Variants in REDIC1 observed in about 807,000 individuals in gnomAD.
The protein encoded by REDIC1 is regulator of DNA class I crossover intermediates 1.
the REDIC1 span, among the ~76,000 whole-genome samples, chr12:39,628,965 T>A: frequency 1.3e-5 from 2 of 152,170 alleles, no homozygotes; most frequent in Admixed American, 1.3e-4. Context: ...TTGAGTTGAG[T>A]GTGCTTGCCC....
At chr12:39,681,673 A>G in the REDIC1 span, among the ~76,000 whole-genome samples, 1 of 152,178 alleles carries the variant, frequency 6.6e-6, no homozygotes, top group Non-Finnish European at 1.5e-5. Flanking sequence ...ACAACGTAGG[A>G]TCATGAGCTG....
At chr12:39,749,212 A>G in the REDIC1 span, among the ~76,000 whole-genome samples, 4 of 152,170 alleles carry the variant, frequency 2.6e-5, no homozygotes, top group Non-Finnish European at 5.9e-5. Flanking sequence ...AATCAAATAG[A>G]CACAACAAAA....
chr12:39,775,197 A>T, the REDIC1 span, among the ~76,000 whole-genome samples: 1 of 152,362 alleles, frequency 6.6e-6, no homozygotes, highest in Non-Finnish European at 1.5e-5. Flanking sequence ...TAATGCAATT[A>T]AGGTACAACT....
chr12:39,680,741 C>A, the REDIC1 span, among the ~76,000 whole-genome samples: 1 of 149,630 alleles, frequency 6.7e-6, no homozygotes, highest in Non-Finnish European at 1.5e-5. Flanking sequence ...GCCTATCAAC[C>A]AATGAGTGGG....
At chr12:39,883,106 G>C in the REDIC1 span, among the ~76,000 whole-genome samples, 1 of 151,804 alleles carries the variant, frequency 6.6e-6, no homozygotes, top group African/African-American at 2.4e-5. Context: ...CACTTTTAAA[G>C]TATATAATTC....
chr12:39,670,722 C>T, the REDIC1 span, among the ~76,000 whole-genome samples: 1 of 148,368 alleles, frequency 6.7e-6, no homozygotes, highest in African/African-American at 2.5e-5. Flanking sequence ...TCATATGTCA[C>T]GTCTTTCTAC....
At chr12:39,713,253 C>CGTGTATAGATGTGTATACACAT in the REDIC1 span, among the ~76,000 whole-genome samples, 1 of 131,364 alleles carries the variant, frequency 7.6e-6, no homozygotes, top group Non-Finnish European at 1.6e-5. Context: ...TGTACACACA[C>CGTGTATAGATGTGTATACACAT]ATACGTGTAT....
chr12:39,882,625 T>G, the REDIC1 span, among the ~76,000 whole-genome samples: 1 of 152,196 alleles, frequency 6.6e-6, no homozygotes, highest in African/African-American at 2.4e-5. Flanking sequence ...AGGTGAAGTC[T>G]TGCCTATAAT....
chr12:39,852,338 T>C, the REDIC1 span, among the ~76,000 whole-genome samples: 2 of 152,354 alleles, frequency 1.3e-5, no homozygotes, highest in East Asian at 3.9e-4. Flanking sequence ...ATTATGACTG[T>C]AATCAGTTGT....
At chr12:39,763,167 A>G in the REDIC1 span, among the ~76,000 whole-genome samples, 1 of 152,060 alleles carries the variant, frequency 6.6e-6, no homozygotes, top group African/African-American at 2.4e-5. Context: ...GAAAAATTTT[A>G]ATTGCCAAAT....
At chr12:39,773,575 C>T in the REDIC1 span, among the ~76,000 whole-genome samples, 2 of 152,116 alleles carry the variant, frequency 1.3e-5, no homozygotes, top group Admixed American at 6.6e-5. Context: ...AAGAAATAAC[C>T]AAAGGAACTT....
chr12:39,683,395 G>T, the REDIC1 span: 102 of 1,522,100 alleles, frequency 6.7e-5, no homozygotes, highest in Non-Finnish European at 9.1e-5. Context: ...TTAACTCGGT[G>T]CATACTTTTA....
At chr12:39,749,135 G>GT in the REDIC1 span, among the ~76,000 whole-genome samples, 1 of 152,088 alleles carries the variant, frequency 6.6e-6, no homozygotes, top group Non-Finnish European at 1.5e-5. Flanking sequence ...CCAGGAACTG[G>GT]TTTTTTGAAA....
the REDIC1 span, among the ~76,000 whole-genome samples, chr12:39,859,914 T>C: frequency 1.3e-5 from 2 of 152,176 alleles, no homozygotes; most frequent in African/African-American, 4.8e-5. Flanking sequence ...GTCTAAAATA[T>C]AGCAAGATCT....
chr12:39,842,103 A>C, the REDIC1 span, among the ~76,000 whole-genome samples: 1 of 152,094 alleles, frequency 6.6e-6, no homozygotes, highest in African/African-American at 2.4e-5. Context: ...AATGTGGCAG[A>C]GCTGGGGTTC....
At chr12:39,800,407 C>A in the REDIC1 span, among the ~76,000 whole-genome samples, 3 of 150,242 alleles carry the variant, frequency 2.0e-5, no homozygotes, top group Middle Eastern at 3.4e-3. Context: ...AAGAAAAAAA[C>A]AAACAACCCC....
the REDIC1 span, among the ~76,000 whole-genome samples, chr12:39,895,394 G>A: frequency 2.7e-5 from 4 of 150,018 alleles, no homozygotes; most frequent in African/African-American, 9.8e-5. Context: ...GCAGGCTGAG[G>A]CAGGAGAATG....
At chr12:39,724,342 G>A in the REDIC1 span, among the ~76,000 whole-genome samples, 1 of 152,090 alleles carries the variant, frequency 6.6e-6, no homozygotes, top group Admixed American at 6.6e-5. Flanking sequence ...CAAAATCTCA[G>A]GCAGTAGGTC....
the REDIC1 span, among the ~76,000 whole-genome samples, chr12:39,855,578 T>A: frequency 1.3e-5 from 2 of 152,222 alleles, no homozygotes; most frequent in Admixed American, 6.5e-5. Flanking sequence ...AGGCTGTTTT[T>A]TTTGTTGTTG....
Sources: allele counts gnomAD v4.1 joint callset (sites outside exome capture counted in the v4.1 genomes callset), GRCh38; gene constraint gnomAD v4.1.1; transcripts MANE v1.5; gene names NCBI Gene and HGNC (gene_info 2026-07-23, HGNC 2026-07-21).